Variants in JADE2 observed in about 807,000 individuals in gnomAD.
JADE2 encodes E3 ubiquitin-protein ligase Jade-2.
In JADE2, 13 loss-of-function variants were observed where a neutral mutation model predicts 85.7. That is an observed-to-expected ratio of 0.15 (90% CI 0.10 to 0.24). The LOEUF (loss-of-function observed/expected upper bound fraction) is 0.24. Among genes scored for constraint, JADE2 ranks in the 10% least tolerant of loss-of-function variants. The pLI is 1.00. For synonymous variants in JADE2, 440 were observed against 456.1 expected, an observed-to-expected ratio of 0.96 and a Z score of 0.45; for missense variants, 846 against 1,115.9, an observed-to-expected ratio of 0.76 and a Z score of 3.45.
rs1224884734 is a variant in JADE2 at position 134,560,963 on chromosome 5, C to T, written c.684+6C>T. Reference sequence around the variant, plus strand: ...GCAACGTCTGTGTGCATCAGGTGGGCAGACCCCCCAGTCACCCTCACCTGT... The same window carrying T: ...GCAACGTCTGTGTGCATCAGGTGGGTAGACCCCCCAGTCACCCTCACCTGT... On this transcript the variant is annotated splice_donor_region_variant and intron_variant, in intron 6 of 11. Transcript: ENST00000681547. 1.4e-5 allele frequency: 22 copies of T among 1,608,694 alleles called. No homozygotes were observed. The highest frequency in any genetic ancestry group is 1.6e-5 in the Non-Finnish European group (19 of 1,176,430).
intron 3 of JADE2, among the ~76,000 whole-genome samples, chr5:134,551,324 G>T (rs1035912594): frequency 2.6e-5 from 4 of 152,012 alleles, no homozygotes; most frequent in Non-Finnish European, 4.4e-5. Context: ...AACCTCCTGG[G>T]CTCAAGCAAT....
At position 134,560,801 on chromosome 5, in the gene JADE2, C is replaced by T; in HGVS notation, c.528C>T (p.Thr176=). The T allele has an allele frequency of 6.2e-7, 1 of 1,614,144 alleles. No homozygotes were observed. The highest frequency in any genetic ancestry group is 1.3e-5 in the African/African-American group (1 of 75,038). Residue 176 remains threonine, a synonymous_variant, in exon 6 of 12, where the codon ACC becomes ACT. Transcript: ENST00000681547. ...TLERVLEELE[T]LCHQNMARAI... ...AGCGTGTGCTGGAGGAGCTGGAGACCCTGTGCCACCAGAATATGGCCAGGG... is the reference window on the plus strand; with the variant it reads ...AGCGTGTGCTGGAGGAGCTGGAGACTCTGTGCCACCAGAATATGGCCAGGG...
intron 7 of JADE2, among the ~76,000 whole-genome samples, chr5:134,563,226 G>A (rs187145584): frequency 1.6e-4 from 25 of 151,876 alleles, no homozygotes; most frequent in African/African-American, 5.6e-4. Flanking sequence ...GCTGAGGCAC[G>A]AGAATCACTT....
At chr5:134,540,979 C>T (rs985268568) in intron 3 of JADE2, among the ~76,000 whole-genome samples, 4 of 152,186 alleles carry the variant, frequency 2.6e-5, no homozygotes, top group South Asian at 2.1e-4. Context: ...CAGCCCAGAG[C>T]CTTTGTACCT....
intron 10 of JADE2, chr5:134,575,486 G>A (rs749011644): frequency 6.6e-6 from 1 of 152,284 alleles, no homozygotes; most frequent in African/African-American, 2.4e-5. Flanking sequence ...TGGGGATGAC[G>A]GGTAACCTGG....
chr5:134,562,971 A>C lies in JADE2; in HGVS notation c.852+604A>C, dbSNP rs1450208575. 2.0e-5 allele frequency among the ~76,000 whole-genome samples: 3 copies of C among 152,200 alleles called. No homozygotes were observed. The highest frequency in any genetic ancestry group is 4.4e-5 in the Non-Finnish European group (3 of 68,036). ...AAGTCAGGCAGCTGACTAGAGGGGA[A>C]AGCAGGTTGTGGGGTCCATCTAAAC... is the stretch of plus-strand genomic sequence containing the variant. On this transcript the variant is annotated intron_variant, in intron 7 of 11. Transcript: ENST00000681547. The surrounding 1 kb of genome is among the most constrained non-coding windows in gnomAD (Gnocchi z 4.6).
upstream of JADE2, among the ~76,000 whole-genome samples, chr5:134,524,829 G>A (rs1249976747): frequency 6.6e-6 from 1 of 152,174 alleles, no homozygotes; most frequent in Non-Finnish European, 1.5e-5. Context: ...GAGTGGGTGC[G>A]GGGAGGAGGG....
At chr5:134,571,560 G>A (rs1472832206) in intron 9 of JADE2, among the ~76,000 whole-genome samples, 1 of 152,182 alleles carries the variant, frequency 6.6e-6, no homozygotes, top group African/African-American at 2.4e-5. Context: ...AGCCAGGTGT[G>A]GTGGCAGGCA....
chr5:134,566,737 G>A lies in JADE2; in HGVS notation c.1434+157G>A, dbSNP rs1763667146. On this transcript the variant is annotated intron_variant, in intron 9 of 11. Transcript: ENST00000681547. This position sits in a 1 kb window ranked among gnomAD's most constrained non-coding sequence, Gnocchi z 6.7. ...TGCAGGAGCCTGCCAAGGGGCTGAG[G>A]GCTTTCAGGTCCCAAAGAGTATGGG... 6.6e-6 allele frequency among the ~76,000 whole-genome samples: 1 copy of A among 152,192 alleles called. No homozygotes were observed. The highest frequency in any genetic ancestry group is 2.4e-5 in the African/African-American group (1 of 41,444).
rs553504753 is a variant in JADE2, at chr5:134,578,984, C to T, written c.2172C>T (p.Thr724=). The T allele has an allele frequency of 6.2e-7, 1 of 1,613,762 alleles. No homozygotes were observed. The change falls in exon 12 of 12, where the codon ACC becomes ACT. Residue 724 remains threonine (T), a synonymous_variant. Transcript: ENST00000681547. The surrounding 1 kb of genome is among the most constrained non-coding windows in gnomAD (Gnocchi z 4.4). ...PESPPPLAPE[T]PDEAASVAAD... The stretch of plus-strand genomic sequence containing the variant: ...GCCCCCCGCCACTGGCCCCTGAGAC[C>T]CCGGACGAGGCAGCCTCAGTAGCTG...
chr5:134,529,614 A>T (rs1761099278), intron 1 of JADE2, among the ~76,000 whole-genome samples: 1 of 152,248 alleles, frequency 6.6e-6, no homozygotes, highest in African/African-American at 2.4e-5. Context: ...GGCATGTGAT[A>T]AGCACGTGAT....
chr5:134,542,465 G>A (rs1430123658), intron 3 of JADE2, among the ~76,000 whole-genome samples: 2 of 141,156 alleles, frequency 1.4e-5, no homozygotes, highest in African/African-American at 5.3e-5. Context: ...TTTTGAGATG[G>A]AGTTTTGCTT....
intron 10 of JADE2, 34 bp downstream of exon 10, chr5:134,573,796 C>A: frequency 7.9e-7 from 1 of 1,259,326 alleles, no homozygotes; most frequent in Non-Finnish European, 1.2e-6. Flanking sequence ...CCGCCACCTC[C>A]CTGTGCCCTC....
At chr5:134,557,168 C>T (rs1763002742) in intron 4 of JADE2, among the ~76,000 whole-genome samples, 1 of 152,064 alleles carries the variant, frequency 6.6e-6, no homozygotes, top group African/African-American at 2.4e-5. Flanking sequence ...ATCCTCTCAC[C>T]AACCACATAA....
chr5:134,525,013 G>C (rs750300118), upstream of JADE2, among the ~76,000 whole-genome samples: 2 of 152,248 alleles, frequency 1.3e-5, no homozygotes, highest in Non-Finnish European at 2.9e-5. Flanking sequence ...GCCCCGGGGG[G>C]CGGGGTGCTC....
intron 3 of JADE2, among the ~76,000 whole-genome samples, chr5:134,542,435 C>CTTTTTTT (rs10568722): frequency 1.1e-5 from 1 of 93,468 alleles, no homozygotes; most frequent in Non-Finnish European, 2.1e-5. Context: ...GTACCTATAC[C>CTTTTTTT]TTTTTTTTTT....
chr5:134,548,443 T>C (rs905352516), intron 3 of JADE2, among the ~76,000 whole-genome samples: 1 of 152,120 alleles, frequency 6.6e-6, no homozygotes, highest in South Asian at 2.1e-4. Context: ...GGGCTAATAA[T>C]AGATTAATTC....
chr5:134,569,137 G>A (rs1432060915), intron 9 of JADE2, among the ~76,000 whole-genome samples: 1 of 152,222 alleles, frequency 6.6e-6, no homozygotes, highest in East Asian at 1.9e-4. Context: ...GCATGTGGGG[G>A]ACAAAGCTTA....
chr5:134,552,436 C>T (rs533418056), intron 4 of JADE2, among the ~76,000 whole-genome samples: 8 of 152,218 alleles, frequency 5.3e-5, no homozygotes, highest in African/African-American at 1.4e-4. Context: ...AGAATGCTTG[C>T]GTTCCTGTTG....
Sources: gnomAD v4.1 joint callset for allele counts (sites outside exome capture counted in the v4.1 genomes callset) on GRCh38, gnomAD v4.1.1 for gene constraint, Gnocchi (gnomAD v3.1) non-coding constraint, MANE v1.5 for transcripts, NCBI Gene and HGNC (gene_info 2026-07-23, HGNC 2026-07-21) for gene names.